The following RELN variants were observed in gnomAD, a reference collection of about 807,000 sequenced individuals.
RELN encodes the protein reelin.
RELN carries 108 observed loss-of-function variants against 427.6 expected under a neutral mutation model. The observed-to-expected ratio is 0.25, with a 90% confidence interval of 0.22 to 0.30. The LOEUF (loss-of-function observed/expected upper bound fraction) is 0.30, where lower values mean the gene tolerates loss of function less well. Among genes scored for constraint, RELN ranks in the 10% least tolerant of loss-of-function variants. RELN has a pLI of 1.00. For synonymous variants in RELN, 1,524 were observed against 1,513.4 expected (o/e 1.01, Z -0.16); for missense variants, 3,715 against 4,302.8 (o/e 0.86, Z 3.82).
At chr7:103,724,911 T>G (rs2115917051) in intron 7 of RELN, among the ~76,000 whole-genome samples, 1 of 152,004 alleles carries the variant, frequency 6.6e-6, no homozygotes, top group Non-Finnish European at 1.5e-5. Context: ...ATACCTATAT[T>G]TATAATTGGG....
intron 11 of RELN, among the ~76,000 whole-genome samples, chr7:103,668,932 G>T (rs572012500): frequency 6.6e-6 from 1 of 152,202 alleles, no homozygotes; most frequent in South Asian, 2.1e-4. Flanking sequence ...AATTGAAAAA[G>T]AATTTTCATG....
intron 6 of RELN, among the ~76,000 whole-genome samples, chr7:103,748,578 C>G (rs1017444691): frequency 6.6e-6 from 1 of 152,144 alleles, no homozygotes; most frequent in African/African-American, 2.4e-5. Context: ...AACCATACCT[C>G]TTTTTAATTT....
chr7:103,742,921 G>T (rs1790706469), intron 6 of RELN, among the ~76,000 whole-genome samples: 1 of 151,948 alleles, frequency 6.6e-6, no homozygotes, highest in Admixed American at 6.6e-5. Context: ...ATGCCACAAA[G>T]ATACTCCTCG....
intron 10 of RELN, among the ~76,000 whole-genome samples, chr7:103,689,689 G>A (rs540418393): frequency 6.6e-6 from 1 of 151,984 alleles, no homozygotes; most frequent in Admixed American, 6.6e-5. Context: ...TAAAGGATGA[G>A]GAAAACAAAA....
chr7:103,721,290 CT>C lies in RELN; in HGVS notation c.805+1849del, dbSNP rs1790069430. On this transcript the variant is annotated intron_variant, in intron 8 of 64. Transcript: ENST00000428762. Reference sequence around the variant, plus strand: ...TCTCTCTTTCCCCAATTCTGTTACTCTTCCAGTCTTCCAGCAGGATTCAAAT... The same window carrying C: ...TCTCTCTTTCCCCAATTCTGTTACTCTCCAGTCTTCCAGCAGGATTCAAAT... 2.0e-5 allele frequency among the ~76,000 whole-genome samples: 3 copies of C among 150,890 alleles called. No individual in the cohort carries two copies. In the South Asian group the frequency reaches 6.3e-4, roughly 32 times the overall value.
At chr7:103,619,305 CTCT>C (rs1832161002) in intron 20 of RELN, among the ~76,000 whole-genome samples, 1 of 152,106 alleles carries the variant, frequency 6.6e-6, no homozygotes, top group African/African-American at 2.4e-5. Flanking sequence ...TGAATGCTGT[CTCT>C]TCTTCTAACT....
At chr7:103,586,395 C>T (rs191669223) in intron 28 of RELN, among the ~76,000 whole-genome samples, 5 of 151,832 alleles carry the variant, frequency 3.3e-5, no homozygotes, top group Non-Finnish European at 5.9e-5. Context: ...AAAATAAAAG[C>T]CATATATGAC....
intron 1 of RELN, among the ~76,000 whole-genome samples, chr7:103,956,060 T>C (rs541887778): frequency 2.0e-5 from 3 of 152,350 alleles, no homozygotes; most frequent in Non-Finnish European, 2.9e-5. Context: ...TTTAGAAAAT[T>C]TCTGTCGTAT....
chr7:103,938,663 A>G (rs1439452965), intron 1 of RELN, among the ~76,000 whole-genome samples: 1 of 152,142 alleles, frequency 6.6e-6, no homozygotes, highest in South Asian at 2.1e-4. Context: ...AACATTATTT[A>G]TTTTTCAGAT....
At position 103,746,664 on chromosome 7, in the gene RELN, T is replaced by C. The variant is rs975232243; in HGVS notation, c.656+2762A>G. 3.3e-5 allele frequency among the ~76,000 whole-genome samples: 5 copies of C among 152,144 alleles called. No homozygotes were observed. In the East Asian group the frequency reaches 9.7e-4, roughly 29 times the overall value. ...TGCAGCCAACAGATACATGAAAAAA[T>C]GCTCATCATCAGTGGCCATCAGAGA... On this transcript the variant is annotated intron_variant, in intron 6 of 64. Coordinates refer to ENST00000428762, the MANE Select transcript of RELN (RefSeq NM_005045.4).
intron 8 of RELN, among the ~76,000 whole-genome samples, chr7:103,722,551 A>G (rs956432756): frequency 2.0e-5 from 3 of 152,140 alleles, no homozygotes; most frequent in African/African-American, 2.4e-5. Context: ...AAGGTAATAG[A>G]ATAGACAGCA....
In RELN at chr7:103,989,176, T is replaced by C. The variant is rs1373111164; in HGVS notation, c.181A>G (p.Ile61Val). The C allele has an allele frequency of 6.2e-7, 1 of 1,613,804 alleles. No individual in the cohort carries two copies. The highest frequency in any genetic ancestry group is 1.7e-5 in the Admixed American group (1 of 59,996). The change falls in exon 1 of 65, where the codon ATT becomes GTT. Residue 61 changes from isoleucine (I) to valine (V), a missense_variant. Around this residue, in one of 4 missense-constraint regions of RELN, gnomAD observed 2,208 missense variants for 2,361.7 expected, o/e 0.93. Transcript: ENST00000428762. The surrounding 1 kb of genome is among the most constrained non-coding windows in gnomAD (Gnocchi z 4.9). ...EQGEVLISLH[I>V]AGNPTYYVPG... ...ACGTAGTAGGTGGGGTTGCCCGCAA[T>C]ATGCAGGGAAATGAGCACCTCGCCC...
intron 11 of RELN, among the ~76,000 whole-genome samples, chr7:103,676,847 C>T (rs1480363780): frequency 2.0e-5 from 3 of 151,866 alleles, no homozygotes; most frequent in African/African-American, 4.8e-5. Flanking sequence ...AATGAGAATA[C>T]TTGGACACAG....
intron 11 of RELN, among the ~76,000 whole-genome samples, chr7:103,677,531 C>G (rs1335720879): frequency 6.7e-6 from 1 of 148,256 alleles, no homozygotes; most frequent in Admixed American, 6.7e-5. Flanking sequence ...TTCAGGAGGC[C>G]AAGGCGGGCA....
intron 4 of RELN, among the ~76,000 whole-genome samples, chr7:103,753,458 C>A (rs533248143): frequency 4.3e-4 from 65 of 152,260 alleles, no homozygotes; most frequent in African/African-American, 1.6e-3. Flanking sequence ...CAAAGATTCA[C>A]TGAATTGTTA....
chr7:103,539,011 T>C (rs1830117551), intron 45 of RELN, 67 bp downstream of exon 45: 1 of 1,585,436 alleles, frequency 6.3e-7, no homozygotes, highest in Non-Finnish European at 8.6e-7. Flanking sequence ...AGTAGTCCTA[T>C]GACAGAGGCA....
chr7:103,933,879 C>T (rs1795920035), intron 1 of RELN, among the ~76,000 whole-genome samples: 1 of 152,046 alleles, frequency 6.6e-6, no homozygotes, highest in African/African-American at 2.4e-5. Context: ...TTGTTGTTTT[C>T]CACTTTCTCA....
chr7:103,954,070 C>G (rs1481881062), intron 1 of RELN, among the ~76,000 whole-genome samples: 2 of 151,858 alleles, frequency 1.3e-5, no homozygotes, highest in South Asian at 4.2e-4. Flanking sequence ...GCCAACAGAG[C>G]AAAACCCTGT....
At chr7:103,590,915 C>T (rs1831402027) in intron 27 of RELN, among the ~76,000 whole-genome samples, 1 of 152,130 alleles carries the variant, frequency 6.6e-6, no homozygotes, top group African/African-American at 2.4e-5. Flanking sequence ...AGAGAATATA[C>T]CTTTCTTCTT....
Sources: gnomAD v4.1 joint callset for allele counts (sites outside exome capture counted in the v4.1 genomes callset) on GRCh38, gnomAD v4.1.1 for gene constraint, gnomAD v4.1.1 regional missense constraint, Gnocchi (gnomAD v3.1) non-coding constraint, MANE v1.5 for transcripts, NCBI Gene and HGNC (gene_info 2026-07-23, HGNC 2026-07-21) for gene names.